RIMS2: variants seen among roughly 807,000 people sequenced by gnomAD.
RIMS2 encodes the protein regulating synaptic membrane exocytosis protein 2.
In RIMS2, 59 loss-of-function variants were observed where a neutral mutation model predicts 174.4. The observed-to-expected ratio is 0.34, with a 90% CI of 0.27 to 0.42. The LOEUF (loss-of-function observed/expected upper bound fraction) is 0.42, where lower values mean the gene tolerates loss of function less well. Among genes scored for constraint, RIMS2 ranks in the 10% least tolerant of loss-of-function variants. The pLI is 1.00. For synonymous variants in RIMS2, 606 were observed against 572.5 expected, an observed-to-expected ratio of 1.06 and a Z score of -0.84; for missense variants, 1,620 against 1,666.3, an observed-to-expected ratio of 0.97 and a Z score of 0.48.
chr8:103,608,254 G>T (rs1186422138), intron 1 of RIMS2, among the ~76,000 whole-genome samples: 3 of 142,706 alleles, frequency 2.1e-5, no homozygotes, highest in Non-Finnish European at 4.6e-5. Flanking sequence ...TGGAGTACTG[G>T]GCCCTGTGAG....
intron 19 of RIMS2, among the ~76,000 whole-genome samples, chr8:104,082,117 G>A (rs2097431152): frequency 6.6e-6 from 1 of 151,682 alleles, no homozygotes; most frequent in South Asian, 2.1e-4. Context: ...GAAAGAAAAT[G>A]CCAGAGGAAT....
intron 19 of RIMS2, among the ~76,000 whole-genome samples, chr8:104,091,496 T>C (rs1005812065): frequency 2.0e-5 from 3 of 151,176 alleles, no homozygotes; most frequent in Non-Finnish European, 4.4e-5. Flanking sequence ...TTTGTATGAA[T>C]AAATGCCCAA....
intron 2 of RIMS2, among the ~76,000 whole-genome samples, chr8:103,710,915 T>C (rs2097295553): frequency 6.6e-6 from 1 of 152,220 alleles, no homozygotes; most frequent in African/African-American, 2.4e-5. Flanking sequence ...GGGTTGTTTC[T>C]CTTCAGGAAT....
At chr8:103,569,729 A>G (rs2092666137) in intron 1 of RIMS2, among the ~76,000 whole-genome samples, 1 of 151,208 alleles carries the variant, frequency 6.6e-6, no homozygotes, top group Admixed American at 6.6e-5. Context: ...CAATCTTCCT[A>G]CATCTGCCTC....
intron 18 of RIMS2, among the ~76,000 whole-genome samples, chr8:104,014,185 A>G (rs1270043673): frequency 6.6e-6 from 1 of 152,154 alleles, no homozygotes. Context: ...AAAGAAAAGT[A>G]CTACCTTTTC....
At chr8:104,148,705 A>G (rs2098664671) in intron 19 of RIMS2, 1 of 1,598,292 alleles carries the variant, frequency 6.3e-7, no homozygotes, top group African/African-American at 1.3e-5. Context: ...TCACTGGAGA[A>G]GAATGATGGC....
intron 19 of RIMS2, among the ~76,000 whole-genome samples, chr8:104,172,217 G>A (rs1352219694): frequency 6.6e-6 from 1 of 152,212 alleles, no homozygotes; most frequent in Non-Finnish European, 1.5e-5. Flanking sequence ...AGAGGTCCCA[G>A]CCTTGATGAA....
intron 1 of RIMS2, among the ~76,000 whole-genome samples, chr8:103,531,660 A>G (rs1049240856): frequency 1.3e-5 from 2 of 152,222 alleles, no homozygotes; most frequent in African/African-American, 4.8e-5. Context: ...TATGACTCAT[A>G]AAAAATATGG....
At chr8:104,247,099 G>A (rs1401410834) in intron 20 of RIMS2, among the ~76,000 whole-genome samples, 1 of 152,154 alleles carries the variant, frequency 6.6e-6, no homozygotes, top group Admixed American at 6.5e-5. Context: ...GGACCAGAGT[G>A]TAGCATTAGT....
intron 19 of RIMS2, among the ~76,000 whole-genome samples, chr8:104,049,434 A>AAAAACAG (rs2096749078): frequency 6.6e-6 from 1 of 152,256 alleles, no homozygotes; most frequent in Admixed American, 6.5e-5. Context: ...TCAAAAAACA[A>AAAAACAG]AAAACAAACA....
At chr8:104,124,702 T>C (rs1371484423) in intron 19 of RIMS2, among the ~76,000 whole-genome samples, 1 of 152,178 alleles carries the variant, frequency 6.6e-6, no homozygotes, top group Non-Finnish European at 1.5e-5. Context: ...AATTGGACCA[T>C]ATAATTCAAG....
intron 1 of RIMS2, among the ~76,000 whole-genome samples, chr8:103,631,979 G>A (rs2095935973): frequency 6.6e-6 from 1 of 152,104 alleles, no homozygotes; most frequent in East Asian, 1.9e-4. Flanking sequence ...TTGATTTGGT[G>A]TCCTAAAACT....
chr8:103,541,106 A>C (rs1460840415), intron 1 of RIMS2, among the ~76,000 whole-genome samples: 1 of 152,242 alleles, frequency 6.6e-6, no homozygotes, highest in Non-Finnish European at 1.5e-5. Context: ...ATAGCAGAAC[A>C]GTTTCCAAAT....
chr8:103,553,293 G>T (rs187267427), intron 1 of RIMS2, among the ~76,000 whole-genome samples: 1 of 152,284 alleles, frequency 6.6e-6, no homozygotes, highest in Admixed American at 6.5e-5. Context: ...TTTGTCCTTT[G>T]TAGGGACATG....
chr8:103,810,035 C>T (rs534142951), intron 3 of RIMS2, among the ~76,000 whole-genome samples: 32 of 152,272 alleles, frequency 2.1e-4, no homozygotes, highest in Non-Finnish European at 2.8e-4. Flanking sequence ...TTCAGTCTTC[C>T]TTTACACAAA....
chr8:103,511,958 G>A (rs1052258485), intron 1 of RIMS2, among the ~76,000 whole-genome samples: 1 of 152,164 alleles, frequency 6.6e-6, no homozygotes, highest in Non-Finnish European at 1.5e-5. Flanking sequence ...AGCTGTCTCA[G>A]GCTGTGGCAG....
intron 1 of RIMS2, among the ~76,000 whole-genome samples, chr8:103,664,730 C>A (rs549563126): frequency 1.6e-4 from 25 of 152,234 alleles, no homozygotes; most frequent in African/African-American, 6.0e-4. Flanking sequence ...ATTTCTCAAG[C>A]ATCTAGAACT....
chr8:103,526,352 G>A (rs1833974366), intron 1 of RIMS2, among the ~76,000 whole-genome samples: 1 of 152,132 alleles, frequency 6.6e-6, no homozygotes, highest in African/African-American at 2.4e-5. Context: ...TCTGGTGGAA[G>A]ATAATACCAT....
At chr8:103,791,183 T>C (rs1384804338) in intron 3 of RIMS2, among the ~76,000 whole-genome samples, 1 of 152,184 alleles carries the variant, frequency 6.6e-6, no homozygotes, top group Non-Finnish European at 1.5e-5. Flanking sequence ...AAGGTCGGGT[T>C]ACCCACAAAG....
Sources: gnomAD v4.1 joint callset for allele counts (sites outside exome capture counted in the v4.1 genomes callset) on GRCh38, gnomAD v4.1.1 for gene constraint, MANE v1.5 for transcripts, NCBI Gene and HGNC (gene_info 2026-07-23, HGNC 2026-07-21) for gene names.